CCDC9B: variants seen among roughly 807,000 people sequenced by gnomAD.
CCDC9B encodes the protein coiled-coil domain-containing protein 9B.
CCDC9B carries 40 observed loss-of-function variants against 47.2 expected under a neutral mutation model. The ratio of observed to expected loss-of-function variants is 0.85; its 90% CI spans 0.66 to 1.10. CCDC9B has a LOEUF of 1.10. Ranked by LOEUF, CCDC9B falls within the 50% of genes least tolerant of loss-of-function variation. The pLI, the probability that CCDC9B is intolerant of heterozygous loss-of-function variation, is 0.00. For synonymous variants in CCDC9B, 238 were observed against 250.7 expected, an observed-to-expected ratio of 0.95 and a Z score of 0.48; for missense variants, 662 against 651.0, an observed-to-expected ratio of 1.02 and a Z score of -0.18.
At chr15:40,338,258 C>G (rs1315633082) in intron 5 of CCDC9B, 2 of 647,712 alleles carry the variant, frequency 3.1e-6, no homozygotes, top group Non-Finnish European at 2.8e-6. Flanking sequence ...CTTGGCCAGT[C>G]AACTCCACCC....
At chr15:40,336,235 G>A in intron 9 of CCDC9B, 2 of 985,386 alleles carry the variant, frequency 2.0e-6, no homozygotes, top group Non-Finnish European at 2.4e-6. Context: ...CACGCACTCT[G>A]GGCCCATCCT....
At chr15:40,340,485 A>C (rs1595715122) in intron 1 of CCDC9B, 1 of 417,830 alleles carries the variant, frequency 2.4e-6, no homozygotes, top group Non-Finnish European at 4.3e-6. Context: ...TGGACCCCGC[A>C]CCTAGGCCTG....
At chr15:40,339,027 G>A (rs1230717404) in intron 3 of CCDC9B, 124 bp from the exon 4 acceptor site, 11 of 1,087,252 alleles carry the variant, frequency 1.0e-5, no homozygotes, top group Non-Finnish European at 1.5e-5. Flanking sequence ...CCACAGAAGA[G>A]CTGACTCCCA....
At chr15:40,336,844 G>A in intron 7 of CCDC9B, 31 bp from the exon 8 acceptor site, 1 of 1,582,404 alleles carries the variant, frequency 6.3e-7, no homozygotes, top group South Asian at 1.1e-5. Context: ...GGGGAAAGGT[G>A]GGGTGACAAA....
In CCDC9B at chr15:40,335,624, A is replaced by G. The variant is rs149122178; in HGVS notation, c.1007T>C (p.Leu336Pro). ...TGGGCTGGCTGCAGGGGCGCTCCCC[A>G]GTCGGCCCTGCTCCATCCCGCTCTG... ...QKQSGMEQGR[L>P]GSAPAASPAL... The change falls in exon 11 of 11, where the codon CTG becomes CCG. Residue 336 changes from leucine (L) to proline (P), a missense_variant. By Grantham distance (98) the Leu-to-Pro change is moderately conservative. Coordinates refer to ENST00000397536, the MANE Select transcript of CCDC9B (RefSeq NM_207380.3). 2 of 1,502,814 alleles carry G rather than the reference A, an allele frequency of 1.3e-6. No homozygotes were observed. The highest frequency in any genetic ancestry group is 1.8e-6 in the Non-Finnish European group (2 of 1,120,646). The allele number at this position is 1,502,814 out of a possible 1,614,324, so 93.1% of individuals were successfully genotyped here.
At chr15:40,336,922 G>T in intron 7 of CCDC9B, 109 bp from the exon 8 acceptor site, 1 of 1,190,414 alleles carries the variant, frequency 8.4e-7, no homozygotes, top group Non-Finnish European at 1.2e-6. Flanking sequence ...CCAGTCGTGG[G>T]TTTTGCCTCC....
chr15:40,339,699 G>T lies in CCDC9B; in HGVS notation c.124-80C>A. 4 of 1,587,126 alleles carry T rather than the reference G, an allele frequency of 2.5e-6. No individual in the cohort carries two copies. The South Asian group carries it at 4.5e-5, about 18-fold the overall frequency. ...ATAGATGCTGATAGGCCTACACAGA[G>T]AGACACCAGTGGGACACCAGGGGGC... On this transcript the variant is annotated intron_variant, in intron 2 of 10. Transcript: ENST00000397536.
At position 40,338,745 on chromosome 15, in the gene CCDC9B, C is replaced by T; in HGVS notation, c.387+3G>A. Reference sequence around the variant, plus strand: ...TGCCTGCACTCCCCACCACCCTGCTCACCTCTGCTTTGTTCTCCATGGTCA... The same window carrying T: ...TGCCTGCACTCCCCACCACCCTGCTTACCTCTGCTTTGTTCTCCATGGTCA... On this transcript the variant is annotated splice_donor_region_variant and intron_variant, in intron 4 of 10. Transcript: ENST00000397536. 1.2e-6 allele frequency: 2 copies of T among 1,612,098 alleles called. No homozygotes were observed. The highest frequency in any genetic ancestry group is 2.2e-5 in the East Asian group (1 of 44,840).
chr15:40,335,132 G>T lies in CCDC9B; in HGVS notation c.*26C>A. 6.8e-7 allele frequency: 1 copy of T among 1,480,354 alleles called. No homozygotes were observed. The highest frequency in any genetic ancestry group is 2.3e-5 in the East Asian group (1 of 43,108). 91.7% of individuals were successfully genotyped at this position (1,480,354 alleles called of 1,614,324 possible). A position where few individuals can be genotyped will look rare whatever the true frequency, so the allele number is the denominator to read the frequency against. On this transcript the variant is annotated 3_prime_UTR_variant, in exon 11 of 11. Transcript: ENST00000397536. Reference sequence around the variant, plus strand: ...GTGATTCCCTTTTCCTCTCCCCGGGGACTCCCCAGCTCCCAGGAGCTGTGT... The same window carrying T: ...GTGATTCCCTTTTCCTCTCCCCGGGTACTCCCCAGCTCCCAGGAGCTGTGT...
rs2141244153 is a variant in CCDC9B, at chr15:40,332,510, C to T, written c.*2648G>A. 6.6e-6 allele frequency: 1 copy of T among 152,546 alleles called. No homozygotes were observed. Among genetic ancestry groups the T allele is most frequent in the East Asian group, 1.9e-4 (1 of 5,192 alleles). 9.4% of individuals were successfully genotyped at this position (152,546 alleles called of 1,614,324 possible). ...ACGTCATCCATGGAGACAAGCCCTACTTCCCCACAGCCCTTCTGCCCAGCC... is the reference window on the plus strand; with the variant it reads ...ACGTCATCCATGGAGACAAGCCCTATTTCCCCACAGCCCTTCTGCCCAGCC... On this transcript the variant is annotated 3_prime_UTR_variant, in exon 11 of 11. Coordinates refer to ENST00000397536, the MANE Select transcript of CCDC9B (RefSeq NM_207380.3).
chr15:40,340,053 TC>T (rs747636575), intron 1 of CCDC9B, 38 bp from the exon 2 acceptor site: 1 of 1,355,324 alleles, frequency 7.4e-7, no homozygotes, highest in Admixed American at 1.8e-5. Context: ...GACTTCCGGG[TC>T]CCCCTCTCAC....
At chr15:40,340,731 C>G in intron 1 of CCDC9B, 77 bp downstream of exon 1, 1 of 1,437,356 alleles carries the variant, frequency 7.0e-7, no homozygotes, top group East Asian at 2.4e-5. Flanking sequence ...CCAGCTGCCC[C>G]CAGAGGGTGG....
At chr15:40,339,841 C>T in intron 2 of CCDC9B, 64 bp downstream of exon 2, 1 of 1,447,424 alleles carries the variant, frequency 6.9e-7, no homozygotes, top group South Asian at 1.2e-5. Context: ...GGGAGACCAC[C>T]ACGTGTGGGG....
Position 40,338,590 on chromosome 15 carries a change from C to A in CCDC9B, c.458G>T (p.Arg153Leu), listed in dbSNP as rs777770251. 6.2e-7 allele frequency: 1 copy of A among 1,614,092 alleles called. No homozygotes were observed. Among genetic ancestry groups the A allele is most frequent in the East Asian group, 2.2e-5 (1 of 44,878 alleles). The change falls in exon 5 of 11, where the codon CGT becomes CTT. Residue 153 changes from arginine (R) to leucine (L), a missense_variant. Arg to Leu is a moderately radical substitution (Grantham distance 102). Transcript: ENST00000397536. ...NQGIEGSPGG[R>L]VTRSPPTQVA... ...CTGCGTGGGGGGGCTTCGGGTCACA[C>A]GCCCTCCAGGTGACCCCTCTATGCC...
intron 2 of CCDC9B, 91 bp downstream of exon 2, chr15:40,339,814 G>T: frequency 7.3e-7 from 1 of 1,376,490 alleles, no homozygotes. Context: ...CCCCAGAGGC[G>T]CATTGCTGAG....
At chr15:40,335,981 C>T in intron 9 of CCDC9B, 155 bp from the exon 10 acceptor site, 4 of 985,340 alleles carry the variant, frequency 4.1e-6, no homozygotes, top group Non-Finnish European at 4.8e-6. Context: ...GTGGAGAAAT[C>T]CCAGGGGTGA....
intron 2 of CCDC9B, 102 bp from the exon 3 acceptor site, chr15:40,339,721 G>C (rs1889047330): frequency 6.5e-7 from 1 of 1,545,744 alleles, no homozygotes; most frequent in Non-Finnish European, 8.7e-7. Flanking sequence ...GGACACCAGG[G>C]GGCAGAGGCG....
chr15:40,335,556 A>T lies in CCDC9B; in HGVS notation c.1075T>A (p.Ser359Thr), dbSNP rs1888938788. ...PEGPKGESVA[S>T]TASSVPCSPQ... ...GAGCAGGGGACTGAGCTGGCTGTGGAAGCCACTGACTCCCCCTTCGGCCCC... is the reference window on the plus strand; with the variant it reads ...GAGCAGGGGACTGAGCTGGCTGTGGTAGCCACTGACTCCCCCTTCGGCCCC... Residue 359 changes from serine to threonine, a missense_variant, in exon 11 of 11, where the codon TCC becomes ACC. Transcript: ENST00000397536. 6.6e-7 allele frequency: 1 copy of T among 1,508,978 alleles called. No homozygotes were observed. The highest frequency in any genetic ancestry group is 8.9e-7 in the Non-Finnish European group (1 of 1,128,790). 93.5% of individuals were successfully genotyped at this position (1,508,978 alleles called of 1,614,324 possible).
Position 40,340,850 on chromosome 15 carries a change from G to A in CCDC9B, c.-31C>T. 6.2e-7 allele frequency: 1 copy of A among 1,609,452 alleles called. No homozygotes were observed. Among genetic ancestry groups the A allele is most frequent in the Non-Finnish European group, 8.5e-7 (1 of 1,178,688 alleles). On this transcript the variant is annotated 5_prime_UTR_variant, in exon 1 of 11. Coordinates refer to ENST00000397536, the MANE Select transcript of CCDC9B (RefSeq NM_207380.3). ...CGGCGGGCACCGAGAGAATTCCAGA[G>A]CAGCCCCTGGGGAGCCAGAGTGGGA...
Sources: allele counts gnomAD v4.1 joint callset, GRCh38; gene constraint gnomAD v4.1.1; transcripts MANE v1.5; gene names NCBI Gene and HGNC (gene_info 2026-07-23, HGNC 2026-07-21).